MLPH: variants seen among roughly 807,000 people sequenced by gnomAD.
The protein encoded by MLPH is exophilin-3.
Under a neutral mutation model 72.1 loss-of-function variants are expected in MLPH, and 51 were observed. The ratio of observed to expected loss-of-function variants is 0.71; its 90% CI spans 0.56 to 0.89. The LOEUF is 0.89. Among genes scored for constraint, MLPH ranks in the 40% least tolerant of loss-of-function variants. The probability of loss-of-function intolerance (pLI) is 0.00; values close to 1 mark genes in which losing one functional copy is unlikely to be tolerated. For synonymous variants in MLPH, 301 were observed against 310.1 expected, an observed-to-expected ratio of 0.97 and a Z score of 0.31; for missense variants, 743 against 759.9, an observed-to-expected ratio of 0.98 and a Z score of 0.26.
chr2:237,518,231 G>T (rs1423031182), intron 4 of MLPH: 3 of 478,420 alleles, frequency 6.3e-6, no homozygotes, highest in East Asian at 8.4e-5. Context: ...AGATAGGTGG[G>T]TGTATGGGTG....
At chr2:237,490,217 G>A (rs900321748) in intron 1 of MLPH, among the ~76,000 whole-genome samples, 1 of 152,060 alleles carries the variant, frequency 6.6e-6, no homozygotes, top group African/African-American at 2.4e-5. Context: ...CTCCTCATGG[G>A]TCTAGCATAT....
chr2:237,509,774 G>A (rs144391012), intron 2 of MLPH, among the ~76,000 whole-genome samples: 46 of 152,144 alleles, frequency 3.0e-4, no homozygotes, highest in Non-Finnish European at 5.0e-4. Context: ...CTGCCTGGTG[G>A]GACTCCTCCA....
At chr2:237,504,343 A>G (rs1181082897) in intron 2 of MLPH, among the ~76,000 whole-genome samples, 2 of 152,054 alleles carry the variant, frequency 1.3e-5, no homozygotes, top group African/African-American at 2.4e-5. Context: ...CAGCCTCCCA[A>G]GTAGCTGGGA....
chr2:237,504,669 A>G (rs570500835), intron 2 of MLPH, among the ~76,000 whole-genome samples: 27 of 152,284 alleles, frequency 1.8e-4, no homozygotes, highest in Non-Finnish European at 3.5e-4. Flanking sequence ...TCTGTCCACC[A>G]TGCTGGTAGG....
chr2:237,517,037 ATGGATAGGTAAGTGGATGGG>A (rs1471465519), intron 4 of MLPH, among the ~76,000 whole-genome samples: 11 of 102,232 alleles, frequency 1.1e-4, no homozygotes, highest in African/African-American at 4.3e-4. Context: ...GGATGGATGG[ATGGATAGGTAAGTGGATGGG>A]TGGATGGATG....
At chr2:237,513,271 C>T (rs557678261) in intron 4 of MLPH, among the ~76,000 whole-genome samples, 10 of 152,322 alleles carry the variant, frequency 6.6e-5, no homozygotes, top group African/African-American at 1.9e-4. Flanking sequence ...CCATAGAGGA[C>T]GCGGCAGGCT....
At chr2:237,522,874 G>A (rs1258715980) in intron 6 of MLPH, among the ~76,000 whole-genome samples, 6 of 152,220 alleles carry the variant, frequency 3.9e-5, no homozygotes, top group Non-Finnish European at 8.8e-5. Flanking sequence ...TATCACCGAT[G>A]CGGTTGTACT....
chr2:237,525,573 G>T, intron 6 of MLPH, 28 bp from the exon 7 acceptor site: 1 of 1,611,432 alleles, frequency 6.2e-7, no homozygotes, highest in South Asian at 1.1e-5. Flanking sequence ...AAACCCTGCA[G>T]AGGAGGCTGA....
chr2:237,545,235 G>GAGGACAGTGGTGAGTGGGA (rs1383866577), intron 12 of MLPH, among the ~76,000 whole-genome samples: 25 of 145,634 alleles, frequency 1.7e-4, no homozygotes, highest in African/African-American at 6.6e-4. Flanking sequence ...TGGTGAGTGG[G>GAGGACAGTGGTGAGTGGGA]GCACAGTGGT....
At position 237,511,066 on chromosome 2, in the gene MLPH, T is replaced by C. The variant is rs890919131; in HGVS notation, c.410T>C (p.Val137Ala). Residue 137 changes from valine to alanine, a missense_variant, in exon 4 of 16, where the codon GTC (valine) becomes GCC (alanine). Physicochemically the swap from Val to Ala is moderately conservative, Grantham distance 64. Coordinates refer to ENST00000264605, the MANE Select transcript of MLPH (RefSeq NM_024101.7). ...TTCAAGAGGTTCGGAAGTGCCAAGG[T>C]CATCCGGTCCCTCCACGGGCGGCTG... ...ARFKRFGSAKVIRSLHGRLQG... is the reference protein window; with the variant it reads ...ARFKRFGSAKAIRSLHGRLQG... The C allele has an allele frequency of 4.3e-6, 7 of 1,613,808 alleles. No individual in the cohort carries two copies. Among genetic ancestry groups the C allele is most frequent in the Non-Finnish European group, 5.1e-6 (6 of 1,179,978 alleles).
intron 14 of MLPH, among the ~76,000 whole-genome samples, chr2:237,551,136 A>G (rs1341956482): frequency 6.6e-6 from 1 of 150,542 alleles, no homozygotes; most frequent in Non-Finnish European, 1.5e-5. Context: ...GCACACTGGC[A>G]GGTCCTTGGG....
In MLPH at chr2:237,546,059, G is replaced by A. The variant is rs566724072; in HGVS notation, c.1540-547G>A. The stretch of plus-strand genomic sequence containing the variant: ...GGACATGAGACATCAATCAGTAGGT[G>A]TAAGATGTACCTTGGTTCAGTCCAG... On this transcript the variant is annotated intron_variant, in intron 12 of 15. Transcript: ENST00000264605. Among the ~76,000 whole-genome samples, 7 of 152,320 alleles carry A rather than the reference G, an allele frequency of 4.6e-5. No homozygotes were observed. The South Asian group carries it at 1.2e-3, about 27-fold the overall frequency.
intron 1 of MLPH, among the ~76,000 whole-genome samples, chr2:237,491,652 C>G (rs915984247): frequency 2.2e-4 from 33 of 152,300 alleles, no homozygotes; most frequent in Middle Eastern, 3.4e-3. Flanking sequence ...TCAGGGAAGT[C>G]CTCTGTGGGG....
chr2:237,553,751 C>A lies in MLPH; in HGVS notation c.*159C>A. The stretch of plus-strand genomic sequence containing the variant: ...ACATGGACTCCCACCTGCAAGTGGA[C>A]AGCGACATTCAGTCCTGCACTGCTC... On this transcript the variant is annotated 3_prime_UTR_variant, in exon 16 of 16. Transcript: ENST00000264605. The A allele has an allele frequency of 1.0e-6, 1 of 953,280 alleles. No homozygotes were observed. Among genetic ancestry groups the A allele is most frequent in the South Asian group, 1.3e-5 (1 of 76,844 alleles). The allele number at this position is 953,280 out of a possible 1,614,324, so 59.1% of individuals were successfully genotyped here.
chr2:237,494,752 G>A (rs752262573), intron 2 of MLPH, among the ~76,000 whole-genome samples: 8 of 152,224 alleles, frequency 5.3e-5, no homozygotes, highest in Non-Finnish European at 1.2e-4. Context: ...TCACGCAGGT[G>A]TGTTGAGCGG....
At position 237,553,968 on chromosome 2, in the gene MLPH, A is replaced by C. The variant is rs1184109541; in HGVS notation, c.*376A>C. ...TATGTTGCTTTCATGAATGGAATGG[A>C]AAAAAGATGACTCAGTTAAGGCACC... On this transcript the variant is annotated 3_prime_UTR_variant, in exon 16 of 16. Transcript: ENST00000264605. 2.6e-6 allele frequency: 1 copy of C among 389,394 alleles called. No homozygotes were observed. Among genetic ancestry groups the C allele is most frequent in the Non-Finnish European group, 4.9e-6 (1 of 202,720 alleles). The allele number at this position is 389,394 out of a possible 1,614,324, so 24.1% of individuals were successfully genotyped here. A position where few individuals can be genotyped will look rare whatever the true frequency, so the allele number is the denominator to read the frequency against.
At chr2:237,548,828 G>A (rs557922035) in intron 13 of MLPH, among the ~76,000 whole-genome samples, 9 of 152,300 alleles carry the variant, frequency 5.9e-5, no homozygotes, top group South Asian at 2.1e-4. Context: ...GCAGTGAGCC[G>A]CGATCGCACC....
At chr2:237,489,324 A>G (rs569281310) in intron 1 of MLPH, among the ~76,000 whole-genome samples, 6 of 152,250 alleles carry the variant, frequency 3.9e-5, no homozygotes, top group Non-Finnish European at 8.8e-5. Context: ...GTTGGTGGGC[A>G]GGTGGCTGAG....
intron 9 of MLPH, among the ~76,000 whole-genome samples, chr2:237,536,189 A>G (rs1249376743): frequency 6.6e-6 from 1 of 152,160 alleles, no homozygotes; most frequent in Non-Finnish European, 1.5e-5. Flanking sequence ...CAGAGCACAC[A>G]GGCCCCAAGT....
Sources: gnomAD v4.1 joint callset for allele counts (sites outside exome capture counted in the v4.1 genomes callset) on GRCh38, gnomAD v4.1.1 for gene constraint, MANE v1.5 for transcripts, NCBI Gene and HGNC (gene_info 2026-07-23, HGNC 2026-07-21) for gene names.